Variants in DAB1 observed in about 807,000 individuals in gnomAD.
DAB1 encodes the protein DAB adaptor protein 1, also known as disabled homolog 1.
In DAB1, 15 loss-of-function variants were observed where a neutral mutation model predicts 64.6. That is an observed-to-expected ratio of 0.23 (90% CI 0.16 to 0.36). The LOEUF (loss-of-function observed/expected upper bound fraction) is 0.36. Among genes scored for constraint, DAB1 ranks in the 10% least tolerant of loss-of-function variants. The pLI, the probability that DAB1 is intolerant of heterozygous loss-of-function variation, is 1.00. For missense variants in DAB1, 596 were observed against 706.7 expected, an observed-to-expected ratio of 0.84 and a Z score of 1.78; for synonymous variants, 235 against 251.9, an observed-to-expected ratio of 0.93 and a Z score of 0.64.
At chr1:57,527,385 T>C (rs1404390) in intron 7 of DAB1, among the ~76,000 whole-genome samples, 106,490 of 152,034 alleles carry the variant, frequency 0.7, 37,512 homozygotes, top group South Asian at 0.79. Flanking sequence ...ATGCACCAGG[T>C]ACTGTGCTAA....
chr1:57,367,058 TA>T (rs1250335950), intron 1 of DAB1, among the ~76,000 whole-genome samples: 3 of 42,570 alleles, frequency 7.0e-5, no homozygotes, highest in Non-Finnish European at 7.8e-5. Flanking sequence ...TAAAATAAAA[TA>T]AAATAAAATA....
intron 6 of DAB1, among the ~76,000 whole-genome samples, chr1:57,746,508 T>C (rs184825545): frequency 1.3e-5 from 2 of 152,284 alleles, no homozygotes; most frequent in East Asian, 1.9e-4. Flanking sequence ...CTTATGTGAA[T>C]TGCCTGTACA....
intron 5 of DAB1, among the ~76,000 whole-genome samples, chr1:57,966,929 A>G (rs1296739946): frequency 6.6e-6 from 1 of 152,214 alleles, no homozygotes; most frequent in African/African-American, 2.4e-5. Flanking sequence ...CCTGTTGAAC[A>G]TGGTACCTGT....
At chr1:57,726,353 A>G (rs1480106014) in intron 6 of DAB1, among the ~76,000 whole-genome samples, 2 of 152,182 alleles carry the variant, frequency 1.3e-5, no homozygotes, top group African/African-American at 4.8e-5. Context: ...GTGCCTGACC[A>G]TCAGGAATAG....
intron 1 of DAB1, among the ~76,000 whole-genome samples, chr1:57,828,191 C>T (rs1463019647): frequency 5.3e-5 from 8 of 152,154 alleles, no homozygotes; most frequent in East Asian, 1.9e-4. Flanking sequence ...GTGATCCGCC[C>T]GCCTCCGCCT....
At chr1:57,095,134 C>T (rs1654040262) in intron 4 of DAB1, among the ~76,000 whole-genome samples, 1 of 152,176 alleles carries the variant, frequency 6.6e-6, no homozygotes, top group South Asian at 2.1e-4. Context: ...AACTCTTGTA[C>T]CTCTGCATTG....
chr1:58,215,650 C>G (rs1658813380), intron 4 of DAB1, among the ~76,000 whole-genome samples: 1 of 152,102 alleles, frequency 6.6e-6, no homozygotes, highest in African/African-American at 2.4e-5. Context: ...CCATCTCTAT[C>G]TGGCCTTTCA....
At chr1:57,042,902 T>C (rs918783896) in intron 9 of DAB1, among the ~76,000 whole-genome samples, 4 of 151,934 alleles carry the variant, frequency 2.6e-5, no homozygotes, top group African/African-American at 9.7e-5. Context: ...GCATTTGTTA[T>C]TAGGAACTCC....
chr1:58,356,259 A>T (rs1288756385), intron 3 of DAB1, among the ~76,000 whole-genome samples: 1 of 152,158 alleles, frequency 6.6e-6, no homozygotes, highest in African/African-American at 2.4e-5. Flanking sequence ...TGTATGTAAA[A>T]TGGCAGTATT....
At chr1:57,277,747 G>C (rs1671581056) in intron 2 of DAB1, among the ~76,000 whole-genome samples, 1 of 152,124 alleles carries the variant, frequency 6.6e-6, no homozygotes, top group African/African-American at 2.4e-5. Flanking sequence ...TTCATTGTTG[G>C]AGATAATTCT....
chr1:58,246,627 T>A (rs1159962549), intron 4 of DAB1, among the ~76,000 whole-genome samples: 1 of 152,022 alleles, frequency 6.6e-6, no homozygotes, highest in African/African-American at 2.4e-5. Context: ...TGTGGGTAGG[T>A]GTGCATGTGT....
chr1:57,805,330 T>C (rs1296930969), intron 6 of DAB1, among the ~76,000 whole-genome samples: 1 of 152,212 alleles, frequency 6.6e-6, no homozygotes, highest in Admixed American at 6.5e-5. Context: ...CAGAAATTCA[T>C]AGGATATTCA....
chr1:57,469,819 G>C (rs1687080153), intron 7 of DAB1, among the ~76,000 whole-genome samples: 1 of 152,066 alleles, frequency 6.6e-6, no homozygotes, highest in Non-Finnish European at 1.5e-5. Flanking sequence ...AAATAAGTTT[G>C]GGAAATGCTG....
intron 6 of DAB1, among the ~76,000 whole-genome samples, chr1:57,697,632 G>T (rs1461723618): frequency 1.3e-5 from 2 of 152,058 alleles, no homozygotes; most frequent in Non-Finnish European, 1.5e-5. Flanking sequence ...AAGATTTGGA[G>T]GAAAATTAAG....
At chr1:57,704,912 T>TCC (rs71051247) in intron 6 of DAB1, among the ~76,000 whole-genome samples, 96 of 116,266 alleles carry the variant, frequency 8.3e-4, no homozygotes, top group Middle Eastern at 4.3e-3. Flanking sequence ...CTTCCTTCCT[T>TCC]TTCATCTTTC....
Position 57,781,060 on chromosome 1 carries a change from A to G in DAB1, n.551+102939T>C, listed in dbSNP as rs914576454. Among the ~76,000 whole-genome samples, 20 of 137,028 alleles carry G rather than the reference A, an allele frequency of 1.5e-4. 2 individuals carry two copies. Among genetic ancestry groups the G allele is most frequent in the Admixed American group, 1.3e-3 (18 of 13,388 alleles). The allele number at this position is 137,028 out of a possible 152,430, so 89.9% of individuals were successfully genotyped here. A position where few individuals can be genotyped will look rare whatever the true frequency, so the allele number is the denominator to read the frequency against. On this transcript the variant is annotated intron_variant and non_coding_transcript_variant, in intron 6 of 20. Transcript: ENST00000485760. ...TTATTTCTTTCCAATCTTTTGTTCTATGCATATTTTATATATTTGAGATCA... is the reference window on the plus strand; with the variant it reads ...TTATTTCTTTCCAATCTTTTGTTCTGTGCATATTTTATATATTTGAGATCA...
intron 6 of DAB1, among the ~76,000 whole-genome samples, chr1:57,805,788 C>G (rs886291063): frequency 6.6e-6 from 1 of 152,084 alleles, no homozygotes; most frequent in African/African-American, 2.4e-5. Context: ...GGTACTGAAC[C>G]CTGAAATCCT....
chr1:58,279,953 C>A (rs1207238041), intron 4 of DAB1, among the ~76,000 whole-genome samples: 1 of 152,058 alleles, frequency 6.6e-6, no homozygotes, highest in Non-Finnish European at 1.5e-5. Flanking sequence ...CTCTGTCATG[C>A]ATTTATATTG....
intron 2 of DAB1, 67 bp downstream of exon 2, chr1:57,290,897 C>T (rs1672727592): frequency 1.1e-6 from 1 of 928,850 alleles, no homozygotes; most frequent in Non-Finnish European, 1.7e-6. Context: ...TATATCATTC[C>T]AGAGATCTAA....
Sources: gnomAD v4.1 joint callset for allele counts (sites outside exome capture counted in the v4.1 genomes callset) on GRCh38, gnomAD v4.1.1 for gene constraint, MANE v1.5 for transcripts, NCBI Gene and HGNC (gene_info 2026-07-23, HGNC 2026-07-21) for gene names.